PACSIN2: variants seen among roughly 807,000 people sequenced by gnomAD.
The protein encoded by PACSIN2 is protein kinase C and casein kinase substrate in neurons protein 2.
Under a neutral mutation model 63.8 loss-of-function variants are expected in PACSIN2, and 25 were observed. The ratio of observed to expected loss-of-function variants is 0.39; its 90% CI spans 0.29 to 0.55. The LOEUF (loss-of-function observed/expected upper bound fraction) is 0.55. Among genes scored for constraint, PACSIN2 ranks in the 20% least tolerant of loss-of-function variants. The pLI, the probability that PACSIN2 is intolerant of heterozygous loss-of-function variation, is 0.62. For missense variants in PACSIN2, 518 were observed against 646.9 expected (o/e 0.80, Z 2.16); for synonymous variants, 255 against 256.2 (o/e 1.00, Z 0.05).
intron 1 of PACSIN2, among the ~76,000 whole-genome samples, chr22:42,982,888 A>AAAAC (rs759532303): frequency 2.1e-4 from 22 of 105,194 alleles, no homozygotes; most frequent in South Asian, 7.0e-4. Context: ...AAAAAAAAAA[A>AAAAC]AACAACAACA....
intron 1 of PACSIN2, among the ~76,000 whole-genome samples, chr22:42,958,580 G>A (rs1934008293): frequency 6.6e-6 from 1 of 152,214 alleles, no homozygotes; most frequent in Non-Finnish European, 1.5e-5. Flanking sequence ...GGGATCTGAA[G>A]AAAGAGATAT....
In PACSIN2 at chr22:42,983,950, C is replaced by A. The variant is rs985283616; in HGVS notation, c.-78+31071G>T. On this transcript the variant is annotated intron_variant, in intron 1 of 10. Transcript: ENST00000263246. ...GAAGAAGCTACGCACAGGCTATGGG[C>A]ACAGCACTTAGCACTTTTTTTTTTT... Among the ~76,000 whole-genome samples, 6 of 147,756 alleles carry A rather than the reference C, an allele frequency of 4.1e-5. No individual in the cohort carries two copies. In the South Asian group the frequency reaches 1.1e-3, roughly 27 times the overall value.
chr22:42,872,301 CA>C (rs1211901280), intron 10 of PACSIN2, among the ~76,000 whole-genome samples: 2 of 152,178 alleles, frequency 1.3e-5, no homozygotes, highest in East Asian at 1.9e-4. Flanking sequence ...GCTCAGAGCC[CA>C]GGGGTGGGCA....
In PACSIN2 at chr22:42,952,604, AC is replaced by A. The variant is rs1933745247; in HGVS notation, c.-77-40448del. ...AGTCTCCTGACCTCGTGATCCGCCC[AC>A]CTTGGCCTCCCAAAGTGCTGGGATT... On this transcript the variant is annotated intron_variant, in intron 1 of 10. Coordinates refer to ENST00000263246, the MANE Select transcript of PACSIN2 (RefSeq NM_001184970.3). 2.0e-5 allele frequency among the ~76,000 whole-genome samples: 3 copies of A among 150,620 alleles called. No individual in the cohort carries two copies. The South Asian group carries it at 6.2e-4, about 31-fold the overall frequency.
intron 6 of PACSIN2, among the ~76,000 whole-genome samples, chr22:42,882,933 G>A (rs1929189617): frequency 6.6e-6 from 1 of 152,196 alleles, no homozygotes; most frequent in African/African-American, 2.4e-5. Context: ...CCTCCGTTGA[G>A]TGGGCATGAT....
chr22:42,898,731 T>A (rs1312472346), intron 2 of PACSIN2, among the ~76,000 whole-genome samples: 1 of 152,036 alleles, frequency 6.6e-6, no homozygotes, highest in African/African-American at 2.4e-5. Context: ...CCTGCCCTCC[T>A]CCAGGCTGCA....
chr22:42,948,225 G>A (rs1328522990), intron 1 of PACSIN2, among the ~76,000 whole-genome samples: 1 of 152,112 alleles, frequency 6.6e-6, no homozygotes, highest in South Asian at 2.1e-4. Context: ...GAGGGGAGAG[G>A]GGACTGACAA....
chr22:42,918,427 A>G (rs1245496536), intron 1 of PACSIN2, among the ~76,000 whole-genome samples: 2 of 152,222 alleles, frequency 1.3e-5, no homozygotes, highest in Admixed American at 1.3e-4. Flanking sequence ...CCAGCTACTC[A>G]GTACCTCTCA....
intron 5 of PACSIN2, among the ~76,000 whole-genome samples, chr22:42,886,451 G>T (rs912254666): frequency 6.8e-5 from 10 of 148,056 alleles, no homozygotes; most frequent in Non-Finnish European, 1.2e-4. Flanking sequence ...TAGGTAGGTA[G>T]GTATGTATGT....
chr22:42,926,736 G>A (rs1426734772), intron 1 of PACSIN2, among the ~76,000 whole-genome samples: 1 of 152,000 alleles, frequency 6.6e-6, no homozygotes, highest in Non-Finnish European at 1.5e-5. Context: ...GGAGGCTGAG[G>A]TGGGAGGACT....
At chr22:42,881,426 G>A (rs149658901) in intron 7 of PACSIN2, among the ~76,000 whole-genome samples, 15 of 152,276 alleles carry the variant, frequency 9.9e-5, no homozygotes, top group South Asian at 2.1e-4. Context: ...AATGCAGCCC[G>A]GGCTCTGGCC....
chr22:42,891,340 T>C (rs1323844876), intron 3 of PACSIN2, among the ~76,000 whole-genome samples, 158 bp from the exon 4 acceptor site: 1 of 152,170 alleles, frequency 6.6e-6, no homozygotes, highest in Non-Finnish European at 1.5e-5. Context: ...CCTTTTTCAG[T>C]TCCCAAAGCT....
chr22:42,920,788 T>C (rs1417097545), intron 1 of PACSIN2, among the ~76,000 whole-genome samples: 1 of 140,548 alleles, frequency 7.1e-6, no homozygotes, highest in African/African-American at 2.7e-5. Context: ...TCATGAATTA[T>C]CACACTTTTT....
intron 1 of PACSIN2, among the ~76,000 whole-genome samples, chr22:42,917,738 A>G (rs1931906570): frequency 1.3e-5 from 2 of 152,156 alleles, no homozygotes; most frequent in African/African-American, 4.8e-5. Context: ...AGAAGATGTT[A>G]GTAAGCCATG....
intron 1 of PACSIN2, among the ~76,000 whole-genome samples, chr22:43,005,262 C>A (rs1272451405): frequency 6.6e-6 from 1 of 152,220 alleles, no homozygotes; most frequent in Admixed American, 6.5e-5. Context: ...CCTTCCAATC[C>A]TGAGTCACTA....
chr22:42,994,632 C>A (rs1002530506), intron 1 of PACSIN2, among the ~76,000 whole-genome samples: 14 of 152,212 alleles, frequency 9.2e-5, no homozygotes, highest in Admixed American at 9.2e-4. Flanking sequence ...ATTCCAGGGT[C>A]TCTGTCCCTG....
intron 1 of PACSIN2, among the ~76,000 whole-genome samples, chr22:43,007,269 T>C (rs1160174397): frequency 6.7e-6 from 1 of 150,372 alleles, no homozygotes; most frequent in African/African-American, 2.5e-5. Flanking sequence ...CAGGCTGGAA[T>C]GAAGTAGCAC....
rs34029113 is a variant in PACSIN2, at chr22:42,875,152, C to CT, written c.1348+984dup. On this transcript the variant is annotated intron_variant, in intron 10 of 10. Transcript: ENST00000263246. ...GGCGTGAGCCACCATGCCCAGCCTACTTTTTTTTTTTTTTAAGAGATGGGG... is the reference window on the plus strand; with the variant it reads ...GGCGTGAGCCACCATGCCCAGCCTACTTTTTTTTTTTTTTTAAGAGATGGGG... Among the ~76,000 whole-genome samples the CT allele has an allele frequency of 3.7e-3, 541 of 146,854 alleles. 5 individuals carry two copies. The highest frequency in any genetic ancestry group is 0.012 in the African/African-American group (480 of 39,932).
At chr22:42,876,565 C>T (rs939504962) in intron 9 of PACSIN2, among the ~76,000 whole-genome samples, 2 of 152,244 alleles carry the variant, frequency 1.3e-5, no homozygotes, top group African/African-American at 4.8e-5. Flanking sequence ...CAGAGGCCAA[C>T]CTGGGGCCTC....
Sources: allele counts gnomAD v4.1 joint callset (sites outside exome capture counted in the v4.1 genomes callset), GRCh38; gene constraint gnomAD v4.1.1; transcripts MANE v1.5; gene names NCBI Gene and HGNC (gene_info 2026-07-23, HGNC 2026-07-21).